The following NSD1 variants were observed in gnomAD, a reference collection of about 807,000 sequenced individuals.
NSD1 encodes histone-lysine N-methyltransferase, H3 lysine-36 specific.
Under a neutral mutation model 242.7 loss-of-function variants are expected in NSD1, and 26 were observed. That is an observed-to-expected ratio of 0.11 (90% CI 0.08 to 0.15). NSD1 has a LOEUF of 0.15. Among genes scored for constraint, NSD1 ranks in the 10% least tolerant of loss-of-function variants. The probability of loss-of-function intolerance (pLI) is 1.00; values close to 1 mark genes in which losing one functional copy is unlikely to be tolerated. For missense variants in NSD1, 2,495 were observed against 3,272.8 expected (o/e 0.76, Z 5.80); for synonymous variants, 1,106 against 1,178.1 (o/e 0.94, Z 1.25).
chr5:177,165,480 C>CT (rs537718319), intron 2 of NSD1, among the ~76,000 whole-genome samples: 2 of 151,918 alleles, frequency 1.3e-5, no homozygotes, highest in Non-Finnish European at 2.9e-5. Flanking sequence ...TTCAATTTGC[C>CT]TTTTTTTTAA....
rs1013351028 is a variant in NSD1, at chr5:177,138,114, CAAA to C, written c.927+2088_927+2090del. ...ACAAAAAAACAAACAAACAAACAAA[CAAA>C]AAACTGAAAATATTGGAGCCTTTAG... On this transcript the variant is annotated intron_variant, in intron 2 of 22. Transcript: ENST00000439151. 3.5e-5 allele frequency among the ~76,000 whole-genome samples: 5 copies of C among 143,348 alleles called. No homozygotes were observed. The East Asian group carries it at 9.4e-4, about 27-fold the overall frequency. 94.0% of individuals were successfully genotyped at this position (143,348 alleles called of 152,430 possible). A position where few individuals can be genotyped will look rare whatever the true frequency, so the allele number is the denominator to read the frequency against.
At position 177,251,662 on chromosome 5, in the gene NSD1, C is replaced by T. The variant is rs565788458; in HGVS notation, c.4642-68C>T. The T allele has an allele frequency of 8.7e-5, 135 of 1,553,128 alleles. 1 individual carries two copies. In the African/African-American group the frequency reaches 1.6e-3, roughly 18 times the overall value. On this transcript the variant is annotated intron_variant, in intron 11 of 22. Coordinates refer to ENST00000439151, the MANE Select transcript of NSD1 (RefSeq NM_022455.5). ...TTTAACCTTTGTTTACTTTAACCCA[C>T]TGACACTGGTTTTACTCTTGATTCT...
intron 5 of NSD1, among the ~76,000 whole-genome samples, chr5:177,214,840 C>T (rs1312589998): frequency 1.3e-5 from 2 of 151,952 alleles, no homozygotes; most frequent in Non-Finnish European, 2.9e-5. Context: ...GCTTGGACTA[C>T]AGGCACATGC....
chr5:177,157,376 A>G (rs1758225890), intron 2 of NSD1, among the ~76,000 whole-genome samples: 1 of 151,780 alleles, frequency 6.6e-6, no homozygotes, highest in African/African-American at 2.4e-5. Context: ...CCAAGAAAAA[A>G]AAAATATATA....
rs545039997 is a variant in NSD1, at chr5:177,293,827, T to C, written c.6464-5T>C. The C allele has an allele frequency of 3.1e-5, 50 of 1,614,084 alleles. No homozygotes were observed. The African/African-American group carries it at 5.6e-4, about 18-fold the overall frequency. Reference sequence around the variant, plus strand: ...TAAACTTTTGATTTACTTCTGTGTTTTCAGGGAAATGGGAATGTCCGTGGC... The same window carrying C: ...TAAACTTTTGATTTACTTCTGTGTTCTCAGGGAAATGGGAATGTCCGTGGC... On this transcript the variant is annotated splice_polypyrimidine_tract_variant and splice_region_variant and intron_variant, in intron 22 of 22. Transcript: ENST00000439151.
At chr5:177,267,300 G>A (rs1162883219) in intron 14 of NSD1, among the ~76,000 whole-genome samples, 1 of 152,154 alleles carries the variant, frequency 6.6e-6, no homozygotes, top group Non-Finnish European at 1.5e-5. Context: ...ACTCCTTACC[G>A]CTGAGGAAAT....
chr5:177,139,967 C>A (rs1022234295), intron 2 of NSD1, among the ~76,000 whole-genome samples: 4 of 150,832 alleles, frequency 2.7e-5, no homozygotes, highest in Non-Finnish European at 5.9e-5. Flanking sequence ...GGAGAAAATT[C>A]TCTTGGCAGT....
intron 2 of NSD1, among the ~76,000 whole-genome samples, chr5:177,181,427 G>GTTTTTTT (rs34848476): frequency 2.6e-5 from 3 of 117,334 alleles, no homozygotes; most frequent in Non-Finnish European, 5.1e-5. Context: ...TTTTTTTTTG[G>GTTTTTTT]TTTTTTTTTT....
At chr5:177,235,482 A>T (rs1206119314) in intron 5 of NSD1, among the ~76,000 whole-genome samples, 2 of 152,194 alleles carry the variant, frequency 1.3e-5, no homozygotes, top group Admixed American at 6.5e-5. Context: ...CCTGATCTAG[A>T]TGCTACATTT....
At chr5:177,258,966 C>T (rs1452088733) in intron 13 of NSD1, among the ~76,000 whole-genome samples, 1 of 152,192 alleles carries the variant, frequency 6.6e-6, no homozygotes, top group East Asian at 1.9e-4. Context: ...CCTGGAGTAG[C>T]TTGGATTACA....
At chr5:177,204,761 G>A (rs1762755240) in intron 4 of NSD1, among the ~76,000 whole-genome samples, 1 of 152,058 alleles carries the variant, frequency 6.6e-6, no homozygotes, top group Admixed American at 6.6e-5. Context: ...AAGAGCTAGG[G>A]AGCAGATGCA....
Position 177,136,271 on chromosome 5 carries a change from A to G in NSD1, c.927+241A>G, listed in dbSNP as rs567622703. The G allele has an allele frequency of 2.0e-5, 9 of 443,886 alleles. No individual in the cohort carries two copies. In the East Asian group the frequency reaches 3.5e-4, roughly 17 times the overall value. 27.5% of individuals were successfully genotyped at this position (443,886 alleles called of 1,614,324 possible). A position where few individuals can be genotyped will look rare whatever the true frequency, so the allele number is the denominator to read the frequency against. ...TCATTGAGAGTAGGCTAATGCTTTT[A>G]AAGGCATTTGATTGAGTTCAGGTTT... On this transcript the variant is annotated intron_variant, in intron 2 of 22. Transcript: ENST00000439151.
At chr5:177,192,232 C>T (rs1050377573) in intron 3 of NSD1, among the ~76,000 whole-genome samples, 8 of 151,228 alleles carry the variant, frequency 5.3e-5, no homozygotes, top group African/African-American at 1.2e-4. Context: ...GTTTTTGAGA[C>T]GGAGTCTCGC....
At chr5:177,276,452 G>A (rs931418775) in intron 17 of NSD1, among the ~76,000 whole-genome samples, 12 of 151,766 alleles carry the variant, frequency 7.9e-5, no homozygotes, top group African/African-American at 2.7e-4. Flanking sequence ...AGCCTCCTGA[G>A]TAGCTGGGAC....
chr5:177,245,251 A>G (rs987605272), intron 9 of NSD1, among the ~76,000 whole-genome samples: 2 of 152,214 alleles, frequency 1.3e-5, no homozygotes, highest in Non-Finnish European at 2.9e-5. Flanking sequence ...AATAGTAGTA[A>G]TAATAATAAC....
chr5:177,276,048 T>TC (rs1397891103), intron 17 of NSD1, among the ~76,000 whole-genome samples: 1 of 151,656 alleles, frequency 6.6e-6, no homozygotes, highest in Non-Finnish European at 1.5e-5. Flanking sequence ...CCTGCCTCAG[T>TC]CTCCTAAGTA....
At chr5:177,237,799 C>T (rs1043564747) in intron 6 of NSD1, among the ~76,000 whole-genome samples, 3 of 152,092 alleles carry the variant, frequency 2.0e-5, no homozygotes, top group Non-Finnish European at 4.4e-5. Flanking sequence ...TCCCAAAGTT[C>T]TGGAATTACA....
At chr5:177,155,300 T>C (rs939596235) in intron 2 of NSD1, among the ~76,000 whole-genome samples, 3 of 152,018 alleles carry the variant, frequency 2.0e-5, no homozygotes, top group Admixed American at 6.6e-5. Flanking sequence ...AATTTTTGTA[T>C]TTTCAGTAGA....
Position 177,210,200 on chromosome 5 carries a change from A to C in NSD1, c.1801A>C (p.Lys601Gln). 6.3e-7 allele frequency: 1 copy of C among 1,599,250 alleles called. No homozygotes were observed. The highest frequency in any genetic ancestry group is 2.2e-5 in the East Asian group (1 of 44,692). The change falls in exon 5 of 23, where the codon AAG becomes CAG. Residue 601 changes from lysine (K) to glutamine (Q), a missense_variant. By Grantham distance (53) the Lys-to-Gln change is moderately conservative (BLOSUM62 1). Coordinates refer to ENST00000439151, the MANE Select transcript of NSD1 (RefSeq NM_022455.5). ...LGLPEGALIS[K>Q]CSREKNKPQR... ...CTTGCCTGAGGGTGCTTTGATCTCA[A>C]AGTGTTCTCGAGAGAAGAATAAACC...
Sources: allele counts gnomAD v4.1 joint callset (sites outside exome capture counted in the v4.1 genomes callset), GRCh38; gene constraint gnomAD v4.1.1; transcripts MANE v1.5; gene names NCBI Gene and HGNC (gene_info 2026-07-23, HGNC 2026-07-21).